The following CCSER1 variants were observed in gnomAD, a reference collection of about 807,000 sequenced individuals.
CCSER1 encodes coiled-coil serine rich protein 1.
A neutral mutation model predicts 82.0 loss-of-function variants in CCSER1; 41 were observed. The ratio of observed to expected loss-of-function variants is 0.50; its 90% CI spans 0.39 to 0.65. The LOEUF is 0.65. Among genes scored for constraint, CCSER1 ranks in the 30% least tolerant of loss-of-function variants. The pLI, the probability that CCSER1 is intolerant of heterozygous loss-of-function variation, is 0.00. For synonymous variants in CCSER1, 414 were observed against 383.9 expected (o/e 1.08, Z -0.92); for missense variants, 1,119 against 1,064.2 (o/e 1.05, Z -0.72).
chr4:91,062,723 T>C (rs1744065121), intron 9 of CCSER1, among the ~76,000 whole-genome samples: 1 of 152,140 alleles, frequency 6.6e-6, no homozygotes, highest in South Asian at 2.1e-4. Flanking sequence ...AAACTTAAAT[T>C]ATTCTACTGG....
At chr4:91,406,338 T>C (rs1330992023) in intron 10 of CCSER1, among the ~76,000 whole-genome samples, 1 of 152,230 alleles carries the variant, frequency 6.6e-6, no homozygotes, top group Non-Finnish European at 1.5e-5. Flanking sequence ...TCTCTTTTAC[T>C]CCAAAGCTTA....
Position 90,415,241 on chromosome 4 carries a change from G to A in CCSER1, c.1603+15112G>A, listed in dbSNP as rs36121287. ...TCACATGTCTTCATAAGGTGCACAT[G>A]ATTTGAATCGGGAATAATTTGCTTA... On this transcript the variant is annotated intron_variant, in intron 4 of 10. Transcript: ENST00000509176. Among the ~76,000 whole-genome samples, 719 of 152,292 alleles carry A rather than the reference G, an allele frequency of 4.7e-3. 2 individuals are homozygous for A. Among genetic ancestry groups the A allele is most frequent in the Non-Finnish European group, 8.1e-3 (551 of 68,022 alleles).
chr4:91,228,693 A>G (rs1161674033), intron 10 of CCSER1, among the ~76,000 whole-genome samples: 1 of 152,114 alleles, frequency 6.6e-6, no homozygotes, highest in African/African-American at 2.4e-5. Context: ...TTGATTTCTG[A>G]TTACAGATGG....
intron 8 of CCSER1, among the ~76,000 whole-genome samples, chr4:90,833,060 T>G (rs2149830568): frequency 6.6e-6 from 1 of 152,302 alleles, no homozygotes; most frequent in African/African-American, 2.4e-5. Context: ...TGTGCGGCCA[T>G]AACGAAAGAC....
chr4:90,845,135 G>T (rs886950519), intron 8 of CCSER1, among the ~76,000 whole-genome samples: 1 of 152,092 alleles, frequency 6.6e-6, no homozygotes, highest in African/African-American at 2.4e-5. Context: ...GGCCGAGGCA[G>T]GCAGATCATG....
intron 5 of CCSER1, among the ~76,000 whole-genome samples, chr4:90,569,921 T>C (rs925843616): frequency 3.9e-5 from 6 of 152,244 alleles, no homozygotes; most frequent in Admixed American, 1.3e-4. Context: ...ACCGCCCCCA[T>C]CTGAGTGCTT....
At chr4:90,897,120 A>G (rs1177853828) in intron 8 of CCSER1, among the ~76,000 whole-genome samples, 1 of 151,944 alleles carries the variant, frequency 6.6e-6, no homozygotes, top group East Asian at 1.9e-4. Flanking sequence ...TAATATATAC[A>G]TATAAAATCA....
chr4:90,405,012 G>A (rs1753504502), intron 4 of CCSER1, among the ~76,000 whole-genome samples: 2 of 151,996 alleles, frequency 1.3e-5, no homozygotes, highest in Non-Finnish European at 1.5e-5. Flanking sequence ...AAACCAAAAG[G>A]AAATCTCTGA....
intron 1 of CCSER1, among the ~76,000 whole-genome samples, chr4:90,257,212 G>GTT (rs1254239526): frequency 6.8e-4 from 96 of 141,018 alleles, no homozygotes; most frequent in African/African-American, 2.3e-3. Flanking sequence ...AAAATGAAAT[G>GTT]TTATATATAT....
chr4:90,882,445 A>AT (rs1275930907), intron 8 of CCSER1, among the ~76,000 whole-genome samples: 6 of 151,988 alleles, frequency 3.9e-5, no homozygotes, highest in Admixed American at 3.3e-4. Flanking sequence ...TATACTGGGC[A>AT]TTTTTTTCTG....
chr4:91,545,332 G>A (rs1238298512), intron 10 of CCSER1, among the ~76,000 whole-genome samples: 1 of 152,034 alleles, frequency 6.6e-6, no homozygotes, highest in South Asian at 2.1e-4. Flanking sequence ...TGCACCCACT[G>A]TCCGACAAGC....
intron 1 of CCSER1, among the ~76,000 whole-genome samples, chr4:90,150,125 C>T (rs891150060): frequency 3.3e-5 from 5 of 152,072 alleles, no homozygotes; most frequent in Non-Finnish European, 7.4e-5. Context: ...AATGAAAAAC[C>T]CACATAATAG....
At chr4:90,853,788 C>T (rs1450470384) in intron 8 of CCSER1, among the ~76,000 whole-genome samples, 1 of 152,032 alleles carries the variant, frequency 6.6e-6, no homozygotes, top group Non-Finnish European at 1.5e-5. Context: ...CAGCAATCTC[C>T]ATAGTAGTAC....
rs577217603 is a variant in CCSER1, at chr4:91,464,335, C to A, written c.2218-134237C>A. 2.2e-3 allele frequency among the ~76,000 whole-genome samples: 340 copies of A among 152,266 alleles called. 1 individual carries two copies. The highest frequency in any genetic ancestry group is 7.8e-3 in the African/African-American group (324 of 41,562). ...TTTTGTCACCAAAAGGCCTGCCCTA[C>A]AAGAGCTCCTAAAGGAAGCACTAAA... is the stretch of plus-strand genomic sequence containing the variant. On this transcript the variant is annotated intron_variant, in intron 10 of 10. Coordinates refer to ENST00000509176, the MANE Select transcript of CCSER1 (RefSeq NM_001145065.2).
intron 1 of CCSER1, among the ~76,000 whole-genome samples, chr4:90,159,910 T>C (rs1195156143): frequency 6.6e-6 from 1 of 152,226 alleles, no homozygotes; most frequent in Non-Finnish European, 1.5e-5. Context: ...TTGATAAGTA[T>C]AATTAAAATC....
intron 10 of CCSER1, among the ~76,000 whole-genome samples, chr4:91,431,018 C>T (rs1486954187): frequency 6.6e-6 from 1 of 152,198 alleles, no homozygotes; most frequent in Non-Finnish European, 1.5e-5. Context: ...GGGCGGATAA[C>T]GAGGTCAGGA....
chr4:90,377,238 A>G (rs1748482192), intron 3 of CCSER1, among the ~76,000 whole-genome samples: 1 of 152,216 alleles, frequency 6.6e-6, no homozygotes, highest in Admixed American at 6.5e-5. Context: ...TCACAGACAC[A>G]TTATTTTTGA....
At chr4:91,370,571 C>T (rs1019804750) in intron 10 of CCSER1, among the ~76,000 whole-genome samples, 3 of 151,866 alleles carry the variant, frequency 2.0e-5, no homozygotes, top group African/African-American at 7.3e-5. Context: ...AGCACAACAT[C>T]TATAGTCCCA....
chr4:91,547,299 G>A (rs1349821671), intron 10 of CCSER1, among the ~76,000 whole-genome samples: 1 of 152,078 alleles, frequency 6.6e-6, no homozygotes, highest in African/African-American at 2.4e-5. Flanking sequence ...TTAGACGGAT[G>A]TTACAATCAG....
Sources: allele counts gnomAD v4.1 joint callset (sites outside exome capture counted in the v4.1 genomes callset), GRCh38; gene constraint gnomAD v4.1.1; transcripts MANE v1.5; gene names NCBI Gene and HGNC (gene_info 2026-07-23, HGNC 2026-07-21).